Variants in FSD1L observed in about 807,000 individuals in gnomAD.
FSD1L encodes the protein FSD1-like protein.
A neutral mutation model predicts 71.6 loss-of-function variants in FSD1L; 45 were observed. That is an observed-to-expected ratio of 0.63 (90% CI 0.49 to 0.81). FSD1L has a LOEUF of 0.81. FSD1L is among the 30% of genes least tolerant of loss of function. FSD1L has a pLI of 0.00. For synonymous variants in FSD1L, 197 were observed against 207.2 expected (o/e 0.95, Z 0.42); for missense variants, 561 against 618.1 (o/e 0.91, Z 0.98).
At chr9:105,464,799 C>T (rs970231376) in intron 3 of FSD1L, among the ~76,000 whole-genome samples, 15 of 151,258 alleles carry the variant, frequency 9.9e-5, no homozygotes, top group East Asian at 9.7e-4. Flanking sequence ...GGCAAGACAC[C>T]GTCTCTACCA....
chr9:105,455,224 C>T (rs1237774095), intron 1 of FSD1L, among the ~76,000 whole-genome samples: 1 of 152,292 alleles, frequency 6.6e-6, no homozygotes, highest in East Asian at 1.9e-4. Context: ...CTTGTCCAGC[C>T]CACTGCCACT....
chr9:105,498,462 G>C (rs1478377541), intron 7 of FSD1L, among the ~76,000 whole-genome samples: 1 of 151,922 alleles, frequency 6.6e-6, no homozygotes, highest in African/African-American at 2.4e-5. Flanking sequence ...GCATGTTACT[G>C]TACTGAATAC....
At chr9:105,523,628 A>G in intron 10 of FSD1L, 1 of 1,609,958 alleles carries the variant, frequency 6.2e-7, no homozygotes. Flanking sequence ...CTCCACTGAG[A>G]ATTCTTACAC....
intron 1 of FSD1L, among the ~76,000 whole-genome samples, chr9:105,450,815 G>C (rs775736148): frequency 1.3e-4 from 20 of 152,092 alleles, no homozygotes; most frequent in Non-Finnish European, 2.5e-4. Context: ...GCGATTACAG[G>C]CTTGAGCCAC....
At chr9:105,536,794 G>T (rs935993992) in intron 12 of FSD1L, among the ~76,000 whole-genome samples, 1 of 151,864 alleles carries the variant, frequency 6.6e-6, no homozygotes, top group Non-Finnish European at 1.5e-5. Flanking sequence ...ATGCCACCAC[G>T]CCTGGCTAAT....
At chr9:105,535,027 G>C (rs1836180132) in intron 11 of FSD1L, 40 bp from the exon 12 acceptor site, 1 of 1,546,368 alleles carries the variant, frequency 6.5e-7, no homozygotes, top group Non-Finnish European at 8.8e-7. Context: ...TGACTCATAA[G>C]GAAGAGATGA....
chr9:105,491,663 G>T (rs376316702), intron 7 of FSD1L, among the ~76,000 whole-genome samples: 2 of 151,226 alleles, frequency 1.3e-5, no homozygotes, highest in African/African-American at 4.9e-5. Flanking sequence ...ATTATTTTGA[G>T]ATACGTCCCA....
In FSD1L at chr9:105,506,554, G is replaced by T; in HGVS notation, c.742G>T (p.Glu248Ter). 6.4e-7 allele frequency: 1 copy of T among 1,551,276 alleles called. No individual in the cohort carries two copies. The highest frequency in any genetic ancestry group is 1.2e-5 in the South Asian group (1 of 84,012). ...NFDGLPRVKD[E>*]RCWEIIDNIK... Reference sequence around the variant, plus strand: ...TGATGGACTTCCACGTGTAAAGGATGAGCGATGCTGGGAGATAATTGATAA... The same window carrying T: ...TGATGGACTTCCACGTGTAAAGGATTAGCGATGCTGGGAGATAATTGATAA... The change falls in exon 8 of 14, where the codon GAG becomes TAG. Residue 248 changes from glutamate (E) to a stop codon, truncating the protein, a stop_gained. Coordinates refer to ENST00000481272, the MANE Select transcript of FSD1L (RefSeq NM_001145313.3). LOFTEE classifies it high-confidence loss of function.
At chr9:105,507,886 CTT>C (rs1834145874) in intron 8 of FSD1L, among the ~76,000 whole-genome samples, 1 of 110,072 alleles carries the variant, frequency 9.1e-6, no homozygotes, top group Non-Finnish European at 1.7e-5. Context: ...GCATATCACT[CTT>C]CTTTTTTTTT....
intron 10 of FSD1L, chr9:105,520,990 A>C: frequency 6.2e-7 from 1 of 1,611,852 alleles, no homozygotes; most frequent in Non-Finnish European, 8.5e-7. Context: ...CATTTTAAGA[A>C]ATATTACTTG....
chr9:105,448,337 T>C, intron 1 of FSD1L, 102 bp downstream of exon 1: 1 of 1,102,178 alleles, frequency 9.1e-7, no homozygotes, highest in Non-Finnish European at 1.2e-6. Flanking sequence ...GGGGTGGGCC[T>C]GGCCGGGCGT....
At chr9:105,505,737 T>A (rs958189357) in intron 7 of FSD1L, among the ~76,000 whole-genome samples, 8 of 152,240 alleles carry the variant, frequency 5.3e-5, no homozygotes, top group African/African-American at 1.4e-4. Context: ...CAGGAATAAA[T>A]CTTTTGAATT....
upstream of FSD1L, among the ~76,000 whole-genome samples, chr9:105,444,977 C>T (rs1443419083): frequency 6.6e-6 from 1 of 152,208 alleles, no homozygotes; most frequent in African/African-American, 2.4e-5. Context: ...GTGGATTCAG[C>T]TGGTCCAGGG....
chr9:105,458,220 A>T (rs1451321997), intron 1 of FSD1L, among the ~76,000 whole-genome samples: 2 of 152,096 alleles, frequency 1.3e-5, no homozygotes, highest in Non-Finnish European at 2.9e-5. Flanking sequence ...TGGCTCAGGG[A>T]ATCCCGAGGT....
intron 10 of FSD1L, chr9:105,530,443 A>G (rs957796418): frequency 4.2e-5 from 22 of 520,190 alleles, no homozygotes; most frequent in East Asian, 3.6e-4. Flanking sequence ...TAAACTGCCA[A>G]TGTCAATAGT....
chr9:105,479,773 A>G (rs1832049476), intron 6 of FSD1L, among the ~76,000 whole-genome samples: 1 of 152,226 alleles, frequency 6.6e-6, no homozygotes, highest in South Asian at 2.1e-4. Context: ...CATTTTAAGT[A>G]GTCCTCAAGA....
chr9:105,533,414 A>ATTTTTTTTTTTT (rs1271918066), intron 10 of FSD1L, among the ~76,000 whole-genome samples: 29 of 13,346 alleles, frequency 2.2e-3, no homozygotes, highest in South Asian at 3.8e-3. Context: ...TGCCATTTCC[A>ATTTTTTTTTTTT]TCTTTTTTTT....
At chr9:105,467,246 CATT>C (rs980118094) in intron 3 of FSD1L, among the ~76,000 whole-genome samples, 31 of 152,048 alleles carry the variant, frequency 2.0e-4, no homozygotes, top group African/African-American at 7.0e-4. Context: ...TTTTTATAAA[CATT>C]ATAAGCAAAA....
chr9:105,534,598 G>A lies in FSD1L; in HGVS notation c.1126+5G>A. On this transcript the variant is annotated splice_donor_5th_base_variant and intron_variant, in intron 11 of 13. Coordinates refer to ENST00000481272, the MANE Select transcript of FSD1L (RefSeq NM_001145313.3). ...GAGAATCATACACAGTGCTGGGTAG[G>A]ACAAAACATAATTGTTTTTCATTAT... 1.4e-6 allele frequency: 2 copies of A among 1,471,934 alleles called. No individual in the cohort carries two copies. The highest frequency in any genetic ancestry group is 1.9e-6 in the Non-Finnish European group (2 of 1,080,586). The allele number at this position is 1,471,934 out of a possible 1,614,324, so 91.2% of individuals were successfully genotyped here.
Sources: allele counts gnomAD v4.1 joint callset (sites outside exome capture counted in the v4.1 genomes callset), GRCh38; gene constraint gnomAD v4.1.1; transcripts MANE v1.5; gene names NCBI Gene and HGNC (gene_info 2026-07-23, HGNC 2026-07-21).